GDAP1: variants seen among roughly 807,000 people sequenced by gnomAD.
GDAP1 encodes the protein ganglioside induced differentiation associated protein 1, also known as ganglioside-induced differentiation-associated protein 1.
A neutral mutation model predicts 40.1 loss-of-function variants in GDAP1; 34 were observed. The ratio of observed to expected loss-of-function variants is 0.85; its 90% CI spans 0.64 to 1.13. GDAP1 has a LOEUF of 1.13. Among genes scored for constraint, GDAP1 ranks in the 50% most tolerant of loss-of-function variants. The pLI is 0.00. For synonymous variants in GDAP1, 170 were observed against 157.4 expected, an observed-to-expected ratio of 1.08 and a Z score of -0.60; for missense variants, 374 against 433.7, an observed-to-expected ratio of 0.86 and a Z score of 1.22.
intron 2 of GDAP1, among the ~76,000 whole-genome samples, chr8:74,398,976 T>A (rs1810263439): frequency 6.6e-6 from 1 of 152,166 alleles, no homozygotes; most frequent in Non-Finnish European, 1.5e-5. Context: ...GATTTTTGCA[T>A]CAATGTTCAT....
intron 2 of GDAP1, among the ~76,000 whole-genome samples, chr8:74,351,906 G>A (rs1244110033): frequency 1.3e-5 from 2 of 152,142 alleles, no homozygotes; most frequent in African/African-American, 4.8e-5. Context: ...TGAGTTCTTT[G>A]CCCCAGTCAC....
intron 2 of GDAP1, among the ~76,000 whole-genome samples, chr8:74,481,210 T>C (rs1392254753): frequency 6.6e-6 from 1 of 152,200 alleles, no homozygotes; most frequent in African/African-American, 2.4e-5. Context: ...ACTAGCTGCC[T>C]TTGGGGCACC....
chr8:74,468,788 A>G (rs1366765782), intron 2 of GDAP1, among the ~76,000 whole-genome samples: 2 of 152,068 alleles, frequency 1.3e-5, no homozygotes, highest in Non-Finnish European at 1.5e-5. Flanking sequence ...TTTATCTTCA[A>G]ATTTTGTTCT....
downstream of GDAP1, among the ~76,000 whole-genome samples, chr8:74,371,041 A>C (rs1241345549): frequency 1.3e-5 from 2 of 152,228 alleles, no homozygotes; most frequent in East Asian, 3.8e-4. Context: ...TGAATAGATA[A>C]AATAGACAGA....
At chr8:74,403,183 C>A (rs980836872) in intron 2 of GDAP1, among the ~76,000 whole-genome samples, 1 of 149,856 alleles carries the variant, frequency 6.7e-6, no homozygotes. Context: ...TTAAATATTT[C>A]ATTTAGTTTG....
intron 2 of GDAP1, among the ~76,000 whole-genome samples, chr8:74,434,536 A>G (rs113791835): frequency 1.6e-3 from 240 of 152,352 alleles, no homozygotes; most frequent in Non-Finnish European, 1.9e-3. Context: ...TGAGTATCAA[A>G]GAAGATGGGA....
intron 2 of GDAP1, among the ~76,000 whole-genome samples, chr8:74,353,741 A>G (rs117214257): frequency 0.017 from 2,592 of 152,328 alleles, 27 homozygotes; most frequent in Non-Finnish European, 0.028. Flanking sequence ...TTGTTTTAAC[A>G]AGAGCCCCAT....
intron 2 of GDAP1, among the ~76,000 whole-genome samples, chr8:74,444,199 C>G (rs1806201380): frequency 1.1e-3 from 1 of 892 alleles, no homozygotes; most frequent in Non-Finnish European, 2.9e-3. Flanking sequence ...AATGCACACA[C>G]ACACACACAC....
chr8:74,398,940 A>T (rs1357487036), intron 2 of GDAP1, among the ~76,000 whole-genome samples: 1 of 152,018 alleles, frequency 6.6e-6, no homozygotes, highest in Non-Finnish European at 1.5e-5. Context: ...GTGCTGCTGG[A>T]TTTGGTTTGC....
rs182265244 is a variant in GDAP1 at position 74,485,047 on chromosome 8, A to G, written c.166-3631A>G. ...AAAACTACCCTACTACTTAAAAATCACAAATGGTGCTCTGTCACCTGCAGA... is the reference window on the plus strand; with the variant it reads ...AAAACTACCCTACTACTTAAAAATCGCAAATGGTGCTCTGTCACCTGCAGA... On this transcript the variant is annotated intron_variant, in intron 2 of 2. Transcript: ENST00000523640. 3.2e-4 allele frequency among the ~76,000 whole-genome samples: 49 copies of G among 152,304 alleles called. No individual in the cohort carries two copies. The East Asian group carries it at 4.8e-3, about 15-fold the overall frequency.
intron 2 of GDAP1, among the ~76,000 whole-genome samples, chr8:74,402,706 C>G (rs1810369202): frequency 6.7e-6 from 1 of 150,142 alleles, no homozygotes. Context: ...GCTCCTTCCC[C>G]AAAGCTTTTA....
intron 2 of GDAP1, among the ~76,000 whole-genome samples, chr8:74,402,636 T>C (rs564153553): frequency 2.0e-5 from 3 of 150,330 alleles, no homozygotes; most frequent in South Asian, 2.1e-4. Flanking sequence ...AAATCACCCG[T>C]CTTCTGTGTC....
intron 2 of GDAP1, among the ~76,000 whole-genome samples, chr8:74,482,822 C>T (rs1206998460): frequency 6.6e-6 from 1 of 152,156 alleles, no homozygotes; most frequent in African/African-American, 2.4e-5. Context: ...ATTTTCATTA[C>T]AATTAGTTTC....
intron 2 of GDAP1, among the ~76,000 whole-genome samples, chr8:74,352,679 T>C (rs889737560): frequency 1.3e-5 from 2 of 152,236 alleles, no homozygotes; most frequent in Non-Finnish European, 2.9e-5. Flanking sequence ...AATGATGTAC[T>C]TTCTTTTCAT....
At chr8:74,475,129 C>G (rs932161936) in intron 2 of GDAP1, among the ~76,000 whole-genome samples, 2 of 152,026 alleles carry the variant, frequency 1.3e-5, no homozygotes, top group African/African-American at 4.8e-5. Context: ...GTATTATCTC[C>G]TTTGTCATTT....
At chr8:74,474,681 T>C (rs1367787067) in intron 2 of GDAP1, among the ~76,000 whole-genome samples, 2 of 152,214 alleles carry the variant, frequency 1.3e-5, no homozygotes, top group Non-Finnish European at 2.9e-5. Flanking sequence ...GATGTGTTGC[T>C]GAATTCAGTT....
At chr8:74,459,266 A>G (rs555880879) in intron 2 of GDAP1, among the ~76,000 whole-genome samples, 1 of 152,342 alleles carries the variant, frequency 6.6e-6, no homozygotes, top group East Asian at 1.9e-4. Flanking sequence ...AGTGTCATAT[A>G]TAATGGAAAT....
chr8:74,386,637 GC>G (rs1248952401), intron 2 of GDAP1, among the ~76,000 whole-genome samples: 1 of 152,032 alleles, frequency 6.6e-6, no homozygotes, highest in East Asian at 1.9e-4. Context: ...TAGGTTTGTT[GC>G]TTTTGCTTGT....
At chr8:74,439,012 GTGTGTATGTGTATGTGTATATATA>G (rs1806127194) in intron 2 of GDAP1, among the ~76,000 whole-genome samples, 2 of 147,598 alleles carry the variant, frequency 1.4e-5, no homozygotes, top group African/African-American at 5.0e-5. Context: ...TGACATACGT[GTGTGTATGTGTATGTGTATATATA>G]TGTGTGTGTG....
Sources: gnomAD v4.1 joint callset for allele counts (sites outside exome capture counted in the v4.1 genomes callset) on GRCh38, gnomAD v4.1.1 for gene constraint, MANE v1.5 for transcripts, NCBI Gene and HGNC (gene_info 2026-07-23, HGNC 2026-07-21) for gene names.